PMVK: variants seen among roughly 807,000 people sequenced by gnomAD.
The protein encoded by PMVK is testis tissue sperm-binding protein Li 95mP.
PMVK carries 10 observed loss-of-function variants against 19.0 expected under a neutral mutation model. That is an observed-to-expected ratio of 0.53 (90% CI 0.32 to 0.89). PMVK has a LOEUF of 0.89. Ranked by LOEUF, PMVK falls within the 40% of genes least tolerant of loss-of-function variation. The pLI, the probability that PMVK is intolerant of heterozygous loss-of-function variation, is 0.03. For synonymous variants in PMVK, 108 were observed against 101.6 expected, an observed-to-expected ratio of 1.06 and a Z score of -0.38; for missense variants, 222 against 251.1, an observed-to-expected ratio of 0.88 and a Z score of 0.78.
upstream of PMVK, among the ~76,000 whole-genome samples, chr1:154,938,876 A>G (rs1431741167): frequency 6.6e-6 from 1 of 151,928 alleles, no homozygotes; most frequent in Non-Finnish European, 1.5e-5. Flanking sequence ...CTGGTGGTTC[A>G]TTTTCATTTT....
chr1:154,934,276 G>C (rs971478475), intron 1 of PMVK, among the ~76,000 whole-genome samples: 1 of 152,216 alleles, frequency 6.6e-6, no homozygotes, highest in Non-Finnish European at 1.5e-5. Context: ...TAGGATTACA[G>C]GCGTGAGCCA....
chr1:154,935,941 CCT>C (rs1278197678), intron 1 of PMVK, among the ~76,000 whole-genome samples: 1 of 151,522 alleles, frequency 6.6e-6, no homozygotes, highest in African/African-American at 2.4e-5. Context: ...CATCCTCGCA[CCT>C]CTGTCTCCCA....
rs1654171772 is a variant in PMVK at position 154,926,579 on chromosome 1, G to C, written c.313-96C>G. The C allele has an allele frequency of 7.7e-6, 8 of 1,038,886 alleles. No homozygotes were observed. The South Asian group carries it at 9.3e-5, about 12-fold the overall frequency. The allele number at this position is 1,038,886 out of a possible 1,614,324, so 64.4% of individuals were successfully genotyped here. A position where few individuals can be genotyped will look rare whatever the true frequency, so the allele number is the denominator to read the frequency against. On this transcript the variant is annotated intron_variant, in intron 3 of 4. Transcript: ENST00000368467. ...AGAACCCAGGGCAGTGTGGGGTGTG[G>C]CTCTACCCCCCCATCATCGTGAGCA... is the stretch of plus-strand genomic sequence containing the variant.
intron 2 of PMVK, among the ~76,000 whole-genome samples, 194 bp downstream of exon 2, chr1:154,932,158 G>C (rs564373809): frequency 6.6e-6 from 1 of 152,298 alleles, no homozygotes; most frequent in South Asian, 2.1e-4. Context: ...ACTCTGAAGG[G>C]AGGGAGGCTA....
At chr1:154,938,561 G>A (rs538039920), upstream of PMVK, among the ~76,000 whole-genome samples, 13 of 152,074 alleles carry the variant, frequency 8.5e-5, no homozygotes, top group African/African-American at 1.2e-4. Context: ...GTACCACTGC[G>A]CTCCAGCCTG....
chr1:154,927,050 G>A (rs1042273921), intron 3 of PMVK, among the ~76,000 whole-genome samples: 8 of 152,038 alleles, frequency 5.3e-5, no homozygotes, highest in Non-Finnish European at 1.2e-4. Context: ...CCAACCCAAG[G>A]GCAAATCCTG....
upstream of PMVK, among the ~76,000 whole-genome samples, chr1:154,939,641 T>C (rs1458293113): frequency 6.9e-6 from 1 of 145,914 alleles, no homozygotes; most frequent in Non-Finnish European, 1.5e-5. Context: ...GAGCTTGCAG[T>C]GAGCGGAGAT....
Position 154,925,243 on chromosome 1 carries a change from T to A in PMVK, c.465A>T (p.Glu155Asp). ...FTPGVDDAESECGLDNFGDFD... is the reference protein window; with the variant it reads ...FTPGVDDAESDCGLDNFGDFD... ...AGTCCCCGAAGTTGTCCAGGCCACA[T>A]TCTGACTCAGCATCGTCCACCCCTA... is the stretch of plus-strand genomic sequence containing the variant. The change falls in exon 5 of 5, where the codon GAA becomes GAT. Residue 155 changes from glutamate to aspartate, a missense_variant. Coordinates refer to ENST00000368467, the MANE Select transcript of PMVK (RefSeq NM_006556.4). 3.7e-6 allele frequency: 6 copies of A among 1,614,138 alleles called. No individual in the cohort carries two copies. Among genetic ancestry groups the A allele is most frequent in the Non-Finnish European group, 5.1e-6 (6 of 1,179,996 alleles).
intron 1 of PMVK, 104 bp from the exon 2 acceptor site, chr1:154,932,519 A>G (rs1305125365): frequency 1.6e-5 from 11 of 679,880 alleles, no homozygotes; most frequent in Admixed American, 3.2e-5. Flanking sequence ...CATTTCTACT[A>G]CTGGTATTAT....
At chr1:154,935,682 C>G (rs1446501957) in intron 1 of PMVK, among the ~76,000 whole-genome samples, 1 of 152,032 alleles carries the variant, frequency 6.6e-6, no homozygotes, top group African/African-American at 2.4e-5. Flanking sequence ...TTGTTGTTAA[C>G]TTCGTATGTT....
At chr1:154,937,499 A>G (rs542184372), upstream of PMVK, 1 of 152,318 alleles carries the variant, frequency 6.6e-6, no homozygotes, top group African/African-American at 2.4e-5. Context: ...CCTAGATGAG[A>G]TTGCCTGGTT....
chr1:154,931,095 A>C (rs1654322494), intron 2 of PMVK, among the ~76,000 whole-genome samples: 1 of 152,108 alleles, frequency 6.6e-6, no homozygotes. Flanking sequence ...CTCAAAAAGA[A>C]AAAAAAATAA....
intron 1 of PMVK, among the ~76,000 whole-genome samples, chr1:154,935,178 G>T (rs1654465410): frequency 1.3e-5 from 2 of 151,634 alleles, no homozygotes; most frequent in African/African-American, 4.9e-5. Context: ...TAATTCCAGA[G>T]CCTGTGCTTC....
chr1:154,941,564 G>C (rs892919888), upstream of PMVK, among the ~76,000 whole-genome samples: 4 of 152,158 alleles, frequency 2.6e-5, 1 homozygote, highest in Admixed American at 2.6e-4. Context: ...CCTGTGTCAG[G>C]GTAACCCTGG....
At chr1:154,931,114 A>C (rs1654323381) in intron 2 of PMVK, among the ~76,000 whole-genome samples, 1 of 152,132 alleles carries the variant, frequency 6.6e-6, no homozygotes, top group South Asian at 2.1e-4. Context: ...AAACCACTTA[A>C]TTTAGTTATT....
At chr1:154,934,180 A>T (rs1343262751) in intron 1 of PMVK, among the ~76,000 whole-genome samples, 2 of 152,012 alleles carry the variant, frequency 1.3e-5, no homozygotes, top group African/African-American at 2.4e-5. Flanking sequence ...TTGTATTTTT[A>T]GTAGAGAAGG....
At chr1:154,928,936 G>T in intron 3 of PMVK, 88 bp downstream of exon 3, 1 of 1,324,592 alleles carries the variant, frequency 7.5e-7, no homozygotes, top group Non-Finnish European at 1.1e-6. Context: ...GCTTGGGCCA[G>T]GATGGTGGCA....
chr1:154,940,076 C>A (rs1196502509), upstream of PMVK, among the ~76,000 whole-genome samples: 1 of 152,218 alleles, frequency 6.6e-6, no homozygotes, highest in Non-Finnish European at 1.5e-5. Flanking sequence ...AGCGCCCAGC[C>A]AGCCTGTTCC....
chr1:154,927,487 T>C lies in PMVK; in HGVS notation c.313-1004A>G, dbSNP rs1390899818. ...AAAAAAAAAAAAAAACACAGGAAAG[T>C]CCTCCACCCGGCCCCTGTGCTTCTG... On this transcript the variant is annotated intron_variant, in intron 3 of 4. Coordinates refer to ENST00000368467, the MANE Select transcript of PMVK (RefSeq NM_006556.4). Among the ~76,000 whole-genome samples, 3 of 135,426 alleles carry C rather than the reference T, an allele frequency of 2.2e-5. No individual in the cohort carries two copies. The East Asian group carries it at 6.5e-4, about 29-fold the overall frequency. The allele number at this position is 135,426 out of a possible 152,430, so 88.8% of individuals were successfully genotyped here. A position where few individuals can be genotyped will look rare whatever the true frequency, so the allele number is the denominator to read the frequency against.
Sources: gnomAD v4.1 joint callset for allele counts (sites outside exome capture counted in the v4.1 genomes callset) on GRCh38, gnomAD v4.1.1 for gene constraint, MANE v1.5 for transcripts, NCBI Gene and HGNC (gene_info 2026-07-23, HGNC 2026-07-21) for gene names.